Variants in ABCD3 observed in about 807,000 individuals in gnomAD.
The protein encoded by ABCD3 is ATP binding cassette subfamily D member 3, also known as ATP-binding cassette sub-family D member 3.
ABCD3 carries 41 observed loss-of-function variants against 105.5 expected under a neutral mutation model. That is an observed-to-expected ratio of 0.39 (90% CI 0.30 to 0.50). The LOEUF (loss-of-function observed/expected upper bound fraction) is 0.50, where lower values mean the gene tolerates loss of function less well. ABCD3 is among the 20% of genes least tolerant of loss of function. ABCD3 has a pLI of 0.84. For synonymous variants in ABCD3, 258 were observed against 269.0 expected (o/e 0.96, Z 0.40); for missense variants, 622 against 806.3 (o/e 0.77, Z 2.77).
chr1:94,433,685 C>A (rs566466153), intron 1 of ABCD3, among the ~76,000 whole-genome samples: 1 of 141,694 alleles, frequency 7.1e-6, no homozygotes, highest in African/African-American at 2.6e-5. Context: ...CTGGATCTGT[C>A]GCCTAGGCTT....
chr1:94,418,732 A>T, intron 1 of ABCD3, 144 bp downstream of exon 1: 1 of 785,592 alleles, frequency 1.3e-6, no homozygotes, highest in Non-Finnish European at 2.0e-6. Flanking sequence ...TGGGACTTCA[A>T]TGTCAGGGTG....
intron 1 of ABCD3, among the ~76,000 whole-genome samples, chr1:94,422,345 G>A (rs1276223346): frequency 2.0e-5 from 3 of 152,196 alleles, no homozygotes; most frequent in African/African-American, 7.2e-5. Flanking sequence ...AACTGCACAT[G>A]TGAGGGATCT....
intron 1 of ABCD3, among the ~76,000 whole-genome samples, chr1:94,420,723 G>A (rs887299910): frequency 2.0e-5 from 3 of 152,116 alleles, no homozygotes; most frequent in African/African-American, 2.4e-5. Flanking sequence ...ATATCTTTTA[G>A]TCACCACCTT....
intron 1 of ABCD3, among the ~76,000 whole-genome samples, chr1:94,430,379 A>G (rs1659625710): frequency 1.3e-5 from 2 of 152,040 alleles, no homozygotes. Context: ...TTTGGGAGGG[A>G]CTGGGGCAGA....
chr1:94,482,913 T>C, intron 9 of ABCD3: 3 of 461,400 alleles, frequency 6.5e-6, no homozygotes, highest in Middle Eastern at 6.1e-4. Context: ...GTGCAGTATG[T>C]CTTTTGCAGC....
chr1:94,458,738 G>GTA (rs1283163684), intron 2 of ABCD3, 95 bp downstream of exon 2: 10 of 1,267,596 alleles, frequency 7.9e-6, no homozygotes, highest in Admixed American at 5.6e-5. Flanking sequence ...TTTATAATTA[G>GTA]TAGGGAACTT....
the ABCD3 span, among the ~76,000 whole-genome samples, chr1:94,401,575 A>AT: frequency 6.6e-6 from 1 of 151,978 alleles, no homozygotes; most frequent in African/African-American, 2.4e-5. Flanking sequence ...TTTTCCTTCC[A>AT]TTTTTCAGAT....
chr1:94,514,461 C>A (rs796317571), intron 21 of ABCD3: 2 of 150,358 alleles, frequency 1.3e-5, no homozygotes, highest in African/African-American at 4.9e-5. Flanking sequence ...TTTTGAAAAT[C>A]TGAAGTACAG....
At chr1:94,507,355 G>A (rs1292439184) in intron 21 of ABCD3, among the ~76,000 whole-genome samples, 2 of 152,266 alleles carry the variant, frequency 1.3e-5, no homozygotes, top group East Asian at 3.9e-4. Context: ...ATTCCATGGT[G>A]TATATGTGCC....
At chr1:94,422,575 A>T (rs1182459551) in intron 1 of ABCD3, among the ~76,000 whole-genome samples, 2 of 152,198 alleles carry the variant, frequency 1.3e-5, no homozygotes, top group Non-Finnish European at 2.9e-5. Flanking sequence ...GCTTTTGCCT[A>T]CATCAGATCC....
chr1:94,464,732 T>C, intron 2 of ABCD3, 43 bp from the exon 3 acceptor site: 2 of 1,490,048 alleles, frequency 1.3e-6, no homozygotes, highest in Non-Finnish European at 1.9e-6. Flanking sequence ...TTATGATATG[T>C]TTGTTATAGC....
chr1:94,428,945 A>G (rs1384181325), intron 1 of ABCD3, among the ~76,000 whole-genome samples: 5 of 152,152 alleles, frequency 3.3e-5, no homozygotes, highest in Non-Finnish European at 5.9e-5. Flanking sequence ...TCAGAAGAAG[A>G]TAGGAAAATG....
chr1:94,476,109 C>T (rs1648727381), intron 7 of ABCD3, among the ~76,000 whole-genome samples: 1 of 152,168 alleles, frequency 6.6e-6, no homozygotes, highest in Non-Finnish European at 1.5e-5. Flanking sequence ...ACTAGGACTT[C>T]CTTTCTGCCC....
In ABCD3 at chr1:94,518,310, A is replaced by C. The variant is rs1246000289; in HGVS notation, c.*1181A>C. 2 of 152,218 alleles carry C rather than the reference A, an allele frequency of 1.3e-5. No individual in the cohort carries two copies. The highest frequency in any genetic ancestry group is 3.0e-5 in the Non-Finnish European group (2 of 67,784). 9.4% of individuals were successfully genotyped at this position (152,218 alleles called of 1,614,324 possible). A position where few individuals can be genotyped will look rare whatever the true frequency, so the allele number is the denominator to read the frequency against. On this transcript the variant is annotated 3_prime_UTR_variant, in exon 23 of 23. Coordinates refer to ENST00000370214, the MANE Select transcript of ABCD3 (RefSeq NM_002858.4). ...AGCTAGATACGAAATCAGTTTCTCA[A>C]ACTGAGCTTCAGAAAGGGGCATTTT...
At chr1:94,420,701 A>G (rs1371726146) in intron 1 of ABCD3, among the ~76,000 whole-genome samples, 1 of 152,212 alleles carries the variant, frequency 6.6e-6, no homozygotes, top group Admixed American at 6.5e-5. Flanking sequence ...TTGTACTTCC[A>G]GAAGCTTACA....
rs191402549 is a variant in ABCD3 at position 94,439,368 on chromosome 1, G to A, written c.111-19239G>A. On this transcript the variant is annotated intron_variant, in intron 1 of 22. Transcript: ENST00000370214. ...ATTAAAAAAAAATTCTAGGCTGGGCGCAGTGGCTCATACCTATAATCCCAG... is the reference window on the plus strand; with the variant it reads ...ATTAAAAAAAAATTCTAGGCTGGGCACAGTGGCTCATACCTATAATCCCAG... Among the ~76,000 whole-genome samples the A allele has an allele frequency of 2.4e-3, 361 of 152,020 alleles. 3 individuals are homozygous for A. Among genetic ancestry groups the A allele is most frequent in the African/African-American group, 7.9e-3 (326 of 41,462 alleles).
the ABCD3 span, among the ~76,000 whole-genome samples, chr1:94,388,862 G>T: frequency 6.6e-6 from 1 of 152,120 alleles, no homozygotes; most frequent in South Asian, 2.1e-4. Flanking sequence ...ATGCATTATT[G>T]ATTTGGCAGC....
chr1:94,387,810 T>C, the ABCD3 span, among the ~76,000 whole-genome samples: 2 of 152,214 alleles, frequency 1.3e-5, no homozygotes. Context: ...AGCATTATAA[T>C]GTGACAGTGA....
At position 94,480,170 on chromosome 1, in the gene ABCD3, A is replaced by G. The variant is rs929708141; in HGVS notation, c.685-294A>G. The G allele has an allele frequency of 2.9e-5, 12 of 408,432 alleles. No individual in the cohort carries two copies. The East Asian group carries it at 5.7e-4, about 19-fold the overall frequency. The allele number at this position is 408,432 out of a possible 1,614,324, so 25.3% of individuals were successfully genotyped here. A position where few individuals can be genotyped will look rare whatever the true frequency, so the allele number is the denominator to read the frequency against. ...GATTATCAAGAAGAGTTCCAACAGG[A>G]GAGTGTTAGATAACATAGAAAAACT... On this transcript the variant is annotated intron_variant, in intron 8 of 22. Coordinates refer to ENST00000370214, the MANE Select transcript of ABCD3 (RefSeq NM_002858.4).
Sources: gnomAD v4.1 joint callset for allele counts (sites outside exome capture counted in the v4.1 genomes callset) on GRCh38, gnomAD v4.1.1 for gene constraint, MANE v1.5 for transcripts, NCBI Gene and HGNC (gene_info 2026-07-23, HGNC 2026-07-21) for gene names.